Variants in DEPDC1B observed in about 807,000 individuals in gnomAD.
The protein encoded by DEPDC1B is DEP domain-containing protein 1B.
Under a neutral mutation model 66.5 loss-of-function variants are expected in DEPDC1B, and 51 were observed. That is an observed-to-expected ratio of 0.77 (90% CI 0.61 to 0.97). DEPDC1B has a LOEUF of 0.97. Ranked by LOEUF, DEPDC1B falls within the 50% of genes least tolerant of loss-of-function variation. The probability of loss-of-function intolerance (pLI) is 0.00; values close to 1 mark genes in which losing one functional copy is unlikely to be tolerated. For synonymous variants in DEPDC1B, 226 were observed against 223.6 expected, an observed-to-expected ratio of 1.01 and a Z score of -0.10; for missense variants, 552 against 637.1, an observed-to-expected ratio of 0.87 and a Z score of 1.44.
intron 2 of DEPDC1B, among the ~76,000 whole-genome samples, chr5:60,650,344 G>A (rs1479897192): frequency 6.6e-6 from 1 of 152,184 alleles, no homozygotes; most frequent in Non-Finnish European, 1.5e-5. Flanking sequence ...TGATGGCAGA[G>A]ACCATAGTTC....
chr5:60,698,727 G>A (rs1469013465), intron 1 of DEPDC1B, among the ~76,000 whole-genome samples: 2 of 149,980 alleles, frequency 1.3e-5, no homozygotes, highest in Non-Finnish European at 3.0e-5. Flanking sequence ...GTGCAATGGC[G>A]CGATCTCAGC....
intron 1 of DEPDC1B, among the ~76,000 whole-genome samples, chr5:60,692,914 T>C (rs540532318): frequency 2.0e-5 from 3 of 152,202 alleles, no homozygotes; most frequent in African/African-American, 7.2e-5. Context: ...TATGATTCCA[T>C]TTACTTGAAG....
At chr5:60,616,954 C>T (rs1421868997) in intron 7 of DEPDC1B, among the ~76,000 whole-genome samples, 2 of 152,222 alleles carry the variant, frequency 1.3e-5, no homozygotes, top group East Asian at 3.8e-4. Flanking sequence ...AGAAACCCTA[C>T]AAGCCGGAAG....
chr5:60,646,583 G>A (rs1396574604), intron 3 of DEPDC1B, among the ~76,000 whole-genome samples: 2 of 152,204 alleles, frequency 1.3e-5, no homozygotes, highest in Admixed American at 1.3e-4. Context: ...GGAAAAAAAT[G>A]GATGGTTGCA....
chr5:60,644,614 T>C, intron 5 of DEPDC1B, 131 bp downstream of exon 5: 1 of 657,890 alleles, frequency 1.5e-6, no homozygotes, highest in Non-Finnish European at 2.3e-6. Flanking sequence ...TGTTAAAAGG[T>C]ATTAGAAAGA....
At chr5:60,679,940 T>C (rs1001546344) in intron 2 of DEPDC1B, among the ~76,000 whole-genome samples, 6 of 152,222 alleles carry the variant, frequency 3.9e-5, no homozygotes, top group African/African-American at 1.4e-4. Context: ...AATTAGAACA[T>C]TCTTGGTGTT....
intron 1 of DEPDC1B, among the ~76,000 whole-genome samples, chr5:60,693,535 G>A (rs1181463341): frequency 2.0e-5 from 3 of 152,120 alleles, no homozygotes; most frequent in Non-Finnish European, 4.4e-5. Flanking sequence ...AAAATGTCCA[G>A]GATATCTCTT....
intron 2 of DEPDC1B, among the ~76,000 whole-genome samples, chr5:60,674,308 A>G (rs1157729884): frequency 6.6e-6 from 1 of 152,216 alleles, no homozygotes; most frequent in Admixed American, 6.5e-5. Context: ...AGGACATTAT[A>G]AAACAAAAGT....
chr5:60,688,924 C>T (rs537215452), intron 1 of DEPDC1B: 2 of 419,460 alleles, frequency 4.8e-6, no homozygotes, highest in African/African-American at 4.1e-5. Context: ...TATTTAGGAA[C>T]CTCGTTTTGT....
intron 7 of DEPDC1B, among the ~76,000 whole-genome samples, chr5:60,616,382 T>A (rs1752555114): frequency 6.6e-6 from 1 of 151,922 alleles, no homozygotes; most frequent in Non-Finnish European, 1.5e-5. Context: ...GCAAAGAAGT[T>A]AAAAACCTTG....
chr5:60,603,393 G>A lies in DEPDC1B; in HGVS notation c.1240C>T (p.Gln414Ter), dbSNP rs1180733431. Residue 414 changes from glutamine (Q) to a stop codon, truncating the protein, a stop_gained and splice_region_variant, in exon 9 of 11, where the codon CAG becomes TAG. Transcript: ENST00000265036. LOFTEE classifies it high-confidence loss of function. ...ACTGATAATATCCTCTCCTTTACCT[G>A]GACTCTTCGTAGATGAGCCACACGC... is the stretch of plus-strand genomic sequence containing the variant. ...EERVAHLRRV[Q>*]IKYPGADMDI... 1.9e-6 allele frequency: 3 copies of A among 1,566,584 alleles called. No individual in the cohort carries two copies. Among genetic ancestry groups the A allele is most frequent in the Admixed American group, 2.1e-5 (1 of 48,322 alleles).
chr5:60,645,601 T>G lies in DEPDC1B; in HGVS notation c.469A>C (p.Lys157Gln). The G allele has an allele frequency of 6.2e-7, 1 of 1,611,006 alleles. No individual in the cohort carries two copies. The change falls in exon 4 of 11, where the codon AAG (lysine) becomes CAG (glutamine). Residue 157 changes from lysine to glutamine, a missense_variant. Coordinates refer to ENST00000265036, the MANE Select transcript of DEPDC1B (RefSeq NM_018369.3). The part of the protein sequence containing the change: ...PVVMNSEMWY[K>Q]RHSIAIGEVP... The stretch of plus-strand genomic sequence containing the variant: ...TCTCCAATTGCAATACTGTGACGCT[T>G]GTACCACATCTCAGAATTCTAATGG...
chr5:60,621,088 A>G (rs1051565126), intron 7 of DEPDC1B, among the ~76,000 whole-genome samples: 2 of 151,316 alleles, frequency 1.3e-5, no homozygotes, highest in African/African-American at 2.4e-5. Context: ...GAATTGAACA[A>G]TGAGAACACA....
intron 7 of DEPDC1B, among the ~76,000 whole-genome samples, chr5:60,627,435 CT>C (rs778009231): frequency 3.3e-4 from 49 of 149,114 alleles, no homozygotes; most frequent in South Asian, 2.1e-4. Flanking sequence ...AGCATTCTAT[CT>C]TTTTTTTTTC....
chr5:60,663,311 A>C (rs774127711), intron 2 of DEPDC1B, among the ~76,000 whole-genome samples: 47 of 152,282 alleles, frequency 3.1e-4, no homozygotes, highest in Non-Finnish European at 5.3e-4. Context: ...AAGATTGTTA[A>C]GGACCTAAAA....
Position 60,647,386 on chromosome 5 carries a change from C to A in DEPDC1B, c.450+12G>T, listed in dbSNP as rs374535081. ...GCTGCCAGCCCTTCCATCTTTCAGT[C>A]ATGGCACTTACCATCACAACTGGCC... is the stretch of plus-strand genomic sequence containing the variant. On this transcript the variant is annotated intron_variant, in intron 3 of 10. Transcript: ENST00000265036. 9.2e-5 allele frequency: 146 copies of A among 1,590,114 alleles called. 1 individual carries two copies. In the African/African-American group the frequency reaches 1.9e-3, roughly 21 times the overall value.
At chr5:60,639,149 C>T (rs1198271992) in intron 6 of DEPDC1B, among the ~76,000 whole-genome samples, 2 of 152,066 alleles carry the variant, frequency 1.3e-5, no homozygotes, top group Non-Finnish European at 2.9e-5. Context: ...AAATCACTGG[C>T]TTACTTCCAT....
At chr5:60,640,357 A>C (rs556433468) in intron 6 of DEPDC1B, among the ~76,000 whole-genome samples, 1 of 152,280 alleles carries the variant, frequency 6.6e-6, no homozygotes, top group Admixed American at 6.5e-5. Flanking sequence ...TGAACATCTC[A>C]TCATCCTTCT....
At chr5:60,667,076 A>T (rs192849780) in intron 2 of DEPDC1B, among the ~76,000 whole-genome samples, 163 of 152,306 alleles carry the variant, frequency 1.1e-3, no homozygotes, top group African/African-American at 3.7e-3. Flanking sequence ...TTCCTAACTC[A>T]CAGCATGAAT....
Sources: gnomAD v4.1 joint callset for allele counts (sites outside exome capture counted in the v4.1 genomes callset) on GRCh38, gnomAD v4.1.1 for gene constraint, MANE v1.5 for transcripts, NCBI Gene and HGNC (gene_info 2026-07-23, HGNC 2026-07-21) for gene names.